The following IFT22 variants were observed in gnomAD, a reference collection of about 807,000 sequenced individuals.
The protein encoded by IFT22 is intraflagellar transport 22, also known as intraflagellar transport protein 22 homolog.
Under a neutral mutation model 21.0 loss-of-function variants are expected in IFT22, and 13 were observed. The ratio of observed to expected loss-of-function variants is 0.62; its 90% CI spans 0.40 to 0.98. IFT22 has a LOEUF of 0.98. Among genes scored for constraint, IFT22 ranks in the 50% least tolerant of loss-of-function variants. The pLI is 0.00. For synonymous variants in IFT22, 67 were observed against 82.4 expected (o/e 0.81, Z 1.01); for missense variants, 227 against 228.9 (o/e 0.99, Z 0.06).
At position 101,315,891 on chromosome 7, in the gene IFT22, G is replaced by A. The variant is rs144464195; in HGVS notation, c.409+449C>T. 278 of 171,818 alleles carry A rather than the reference G, an allele frequency of 1.6e-3. 5 individuals are homozygous for A. In the East Asian group the frequency reaches 0.037, roughly 23 times the overall value. 10.6% of individuals were successfully genotyped at this position (171,818 alleles called of 1,614,324 possible). A position where few individuals can be genotyped will look rare whatever the true frequency, so the allele number is the denominator to read the frequency against. On this transcript the variant is annotated intron_variant, in intron 4 of 4. Transcript: ENST00000315322. ...TTTTTAGTAGAGATGGGGTTTCACCGTGTTGGCCAGGTTGGTCTAGAACTC... is the reference window on the plus strand; with the variant it reads ...TTTTTAGTAGAGATGGGGTTTCACCATGTTGGCCAGGTTGGTCTAGAACTC...
chr7:101,320,214 C>T (rs1476041086), intron 1 of IFT22, among the ~76,000 whole-genome samples: 4 of 151,844 alleles, frequency 2.6e-5, no homozygotes, highest in East Asian at 1.9e-4. Flanking sequence ...GCATTGGCCT[C>T]CCAAAGTGCT....
chr7:101,316,016 T>TTTTTTTTTTTTTTTG (rs1790136985), intron 4 of IFT22: 1 of 142,404 alleles, frequency 7.0e-6, no homozygotes. Flanking sequence ...TTTTTTTTTT[T>TTTTTTTTTTTTTTTG]GAGATGGTGT....
At position 101,318,185 on chromosome 7, in the gene IFT22, T is replaced by C; in HGVS notation, c.145A>G (p.Thr49Ala). ...CAGCCCGTGCCTTTGTTGTTGCTGG[T>C]AACATGCGGGTTCTCAAATTCTAGG... ...RILEFENPHVTSNNKGTGCEF... is the reference protein window; with the variant it reads ...RILEFENPHVASNNKGTGCEF... Residue 49 changes from threonine to alanine, a missense_variant, in exon 3 of 5, where the codon ACC becomes GCC. Transcript: ENST00000315322. 6.2e-7 allele frequency: 1 copy of C among 1,613,448 alleles called. No individual in the cohort carries two copies. The highest frequency in any genetic ancestry group is 1.1e-5 in the South Asian group (1 of 91,084).
chr7:101,316,321 G>A lies in IFT22; in HGVS notation c.409+19C>T. 6.2e-7 allele frequency: 1 copy of A among 1,612,426 alleles called. No homozygotes were observed. The highest frequency in any genetic ancestry group is 8.5e-7 in the Non-Finnish European group (1 of 1,178,486). Reference sequence around the variant, plus strand: ...AAACATTCAAGACAAAAGAGGAAGAGAAATTCCAGTTTCCTTACACAAAGA... The same window carrying A: ...AAACATTCAAGACAAAAGAGGAAGAAAAATTCCAGTTTCCTTACACAAAGA... On this transcript the variant is annotated intron_variant, in intron 4 of 4. Transcript: ENST00000315322.
rs1357807556 is a variant in IFT22 at position 101,313,564 on chromosome 7, C to G, written c.*1570G>C. 1 of 152,154 alleles carries G rather than the reference C, an allele frequency of 6.6e-6. No homozygotes were observed. Among genetic ancestry groups the G allele is most frequent in the Non-Finnish European group, 1.5e-5 (1 of 68,098 alleles). 9.4% of individuals were successfully genotyped at this position (152,154 alleles called of 1,614,324 possible). A position where few individuals can be genotyped will look rare whatever the true frequency, so the allele number is the denominator to read the frequency against. On this transcript the variant is annotated 3_prime_UTR_variant, in exon 5 of 5. Coordinates refer to ENST00000315322, the MANE Select transcript of IFT22 (RefSeq NM_022777.4). The stretch of plus-strand genomic sequence containing the variant: ...GCCAGGATGGTCTCGATCTCTGGAC[C>G]TTGTGATCCGCCTGCCTCGGCCTCC...
At chr7:101,318,005 T>C (rs2116926794) in intron 3 of IFT22, 119 bp downstream of exon 3, 2 of 761,216 alleles carry the variant, frequency 2.6e-6, no homozygotes, top group Admixed American at 2.0e-5. Context: ...TCTCCTCAGG[T>C]GAGCCACCCA....
Position 101,312,530 on chromosome 7 carries a change from G to GTTTTTTTTT in IFT22, c.*2603_*2604insAAAAAAAAA, listed in dbSNP as rs776119398. On this transcript the variant is annotated 3_prime_UTR_variant, in exon 5 of 5. Transcript: ENST00000315322. ...AAATAAATATAATGTTTTGGAGAGA[G>GTTTTTTTTT]TTGTTTTTTTTTTTTTTTTTTTTGT... 2.4e-5 allele frequency among the ~76,000 whole-genome samples: 3 copies of GTTTTTTTTT among 126,580 alleles called. No individual in the cohort carries two copies. Among genetic ancestry groups the GTTTTTTTTT allele is most frequent in the African/African-American group, 6.2e-5 (2 of 32,446 alleles). The allele number at this position is 126,580 out of a possible 152,430, so 83.0% of individuals were successfully genotyped here.
Position 101,313,764 on chromosome 7 carries a change from G to A in IFT22, c.*1370C>T, listed in dbSNP as rs1297223458. On this transcript the variant is annotated 3_prime_UTR_variant, in exon 5 of 5. Coordinates refer to ENST00000315322, the MANE Select transcript of IFT22 (RefSeq NM_022777.4). ...TACAAAATCTATGAATAAGGATCAA[G>A]TATACGTTCATTTGGCATTTTAAGT... 6.6e-6 allele frequency: 1 copy of A among 152,230 alleles called. No homozygotes were observed. Among genetic ancestry groups the A allele is most frequent in the African/African-American group, 2.4e-5 (1 of 41,466 alleles). The allele number at this position is 152,230 out of a possible 1,614,324, so 9.4% of individuals were successfully genotyped here. A position where few individuals can be genotyped will look rare whatever the true frequency, so the allele number is the denominator to read the frequency against.
chr7:101,321,669 A>C lies in IFT22; in HGVS notation c.39+2T>G. The C allele has an allele frequency of 6.2e-7, 1 of 1,601,004 alleles. No individual in the cohort carries two copies. The highest frequency in any genetic ancestry group is 8.5e-7 in the Non-Finnish European group (1 of 1,174,038). ...CCTCTGCCGCGCCGGGCCAGGACTT[A>C]CCTCGCAAGGCCCCACGAAGAGGAT... is the stretch of plus-strand genomic sequence containing the variant. On this transcript the variant is annotated splice_donor_variant, in intron 1 of 4. Transcript: ENST00000315322. LOFTEE classifies it high-confidence loss of function.
intron 1 of IFT22, among the ~76,000 whole-genome samples, chr7:101,320,106 A>G (rs1330241573): frequency 1.3e-5 from 2 of 150,904 alleles, no homozygotes; most frequent in Admixed American, 6.6e-5. Context: ...ACAGGCATGC[A>G]CCACCAAGCC....
chr7:101,316,437 G>A lies in IFT22; in HGVS notation c.312C>T (p.Ser104=). The change falls in exon 4 of 5, where the codon TCC becomes TCT. Residue 104 remains serine, a synonymous_variant. Transcript: ENST00000315322. ...SHRKEMEMWY[S]CFVQQPSLQD... ...GTAAGGACGGCTGTTGGACAAAGCA[G>A]GAATACCACATCTCCATTTCCTTCC... The A allele has an allele frequency of 6.2e-7, 1 of 1,614,192 alleles. No individual in the cohort carries two copies. The highest frequency in any genetic ancestry group is 8.5e-7 in the Non-Finnish European group (1 of 1,180,048).
At position 101,312,338 on chromosome 7, in the gene IFT22, C is replaced by T. The variant is rs1029819308; in HGVS notation, c.*2796G>A. Among the ~76,000 whole-genome samples, 6 of 151,932 alleles carry T rather than the reference C, an allele frequency of 3.9e-5. No individual in the cohort carries two copies. The highest frequency in any genetic ancestry group is 1.2e-4 in the African/African-American group (5 of 41,356). On this transcript the variant is annotated 3_prime_UTR_variant, in exon 5 of 5. Transcript: ENST00000315322. ...CTCAACTACTCAGAGGCTGAGCTGG[C>T]GAGATCAGTGGAGCCCAGGAGATTG...
chr7:101,312,179 G>A lies in IFT22; in HGVS notation c.*2955C>T, dbSNP rs139515210. 7.2e-5 allele frequency among the ~76,000 whole-genome samples: 11 copies of A among 152,026 alleles called. No individual in the cohort carries two copies. Among genetic ancestry groups the A allele is most frequent in the African/African-American group, 2.7e-4 (11 of 41,398 alleles). ...ACCACTTTGGGAGGCTGAGACGGGC[G>A]GATCACTCAAGGACAGGAGTTCGAG... is the stretch of plus-strand genomic sequence containing the variant. On this transcript the variant is annotated 3_prime_UTR_variant, in exon 5 of 5. Coordinates refer to ENST00000315322, the MANE Select transcript of IFT22 (RefSeq NM_022777.4).
In IFT22 at chr7:101,311,431, A is replaced by G. The variant is rs905548751; in HGVS notation, c.*3703T>C. On this transcript the variant is annotated 3_prime_UTR_variant, in exon 5 of 5. Coordinates refer to ENST00000315322, the MANE Select transcript of IFT22 (RefSeq NM_022777.4). Reference sequence around the variant, plus strand: ...TGATTTAGTTCAGTTGACATTAATAATACGCATGGTAATCCTAACAGGTGA... The same window carrying G: ...TGATTTAGTTCAGTTGACATTAATAGTACGCATGGTAATCCTAACAGGTGA... 2.0e-5 allele frequency among the ~76,000 whole-genome samples: 3 copies of G among 152,218 alleles called. No homozygotes were observed. Among genetic ancestry groups the G allele is most frequent in the Non-Finnish European group, 4.4e-5 (3 of 68,046 alleles).
intron 2 of IFT22, chr7:101,318,602 G>C (rs535504000): frequency 1.7e-4 from 48 of 277,334 alleles, no homozygotes; most frequent in Admixed American, 2.9e-4. Flanking sequence ...AAAGTAGGAA[G>C]TGGGTGATGG....
chr7:101,318,474 C>T (rs567536502), intron 2 of IFT22: 6 of 335,068 alleles, frequency 1.8e-5, no homozygotes, highest in East Asian at 7.2e-5. Flanking sequence ...GAGCTGAGAT[C>T]GTGCCACCAC....
At chr7:101,320,692 G>A (rs766840727) in intron 1 of IFT22, among the ~76,000 whole-genome samples, 15 of 151,690 alleles carry the variant, frequency 9.9e-5, no homozygotes, top group Non-Finnish European at 1.3e-4. Context: ...AATAGCCAAT[G>A]GTTCCAGGAC....
At chr7:101,319,124 G>T in intron 1 of IFT22, 92 bp from the exon 2 acceptor site, 1 of 1,265,134 alleles carries the variant, frequency 7.9e-7, no homozygotes, top group Non-Finnish European at 1.1e-6. Context: ...AACCCGGTGT[G>T]GTGCAGTATA....
At chr7:101,317,548 G>A (rs764950212) in intron 3 of IFT22, among the ~76,000 whole-genome samples, 4 of 151,888 alleles carry the variant, frequency 2.6e-5, no homozygotes, top group East Asian at 1.9e-4. Flanking sequence ...GATTACAGGC[G>A]TCAGCCACTG....
Sources: allele counts gnomAD v4.1 joint callset (sites outside exome capture counted in the v4.1 genomes callset), GRCh38; gene constraint gnomAD v4.1.1; transcripts MANE v1.5; gene names NCBI Gene and HGNC (gene_info 2026-07-23, HGNC 2026-07-21).